Variants in MAP2K5 observed in about 807,000 individuals in gnomAD.
MAP2K5 encodes the protein mitogen-activated protein kinase kinase 5, also known as dual specificity mitogen-activated protein kinase kinase 5.
In MAP2K5, 49 loss-of-function variants were observed where a neutral mutation model predicts 83.1. That is an observed-to-expected ratio of 0.59 (90% CI 0.47 to 0.75). MAP2K5 has a LOEUF of 0.75. MAP2K5 is among the 30% of genes least tolerant of loss of function. The probability of loss-of-function intolerance (pLI) is 0.00; values close to 1 mark genes in which losing one functional copy is unlikely to be tolerated. For missense variants in MAP2K5, 457 were observed against 557.5 expected (o/e 0.82, Z 1.82); for synonymous variants, 202 against 191.8 (o/e 1.05, Z -0.44).
At chr15:67,570,797 T>C (rs1040823456) in intron 3 of MAP2K5, among the ~76,000 whole-genome samples, 1 of 152,240 alleles carries the variant, frequency 6.6e-6, no homozygotes, top group African/African-American at 2.4e-5. Context: ...TTGCTGTAAT[T>C]ACTGACTGAG....
At chr15:67,560,980 A>G (rs1245625513) in intron 2 of MAP2K5, among the ~76,000 whole-genome samples, 2 of 152,114 alleles carry the variant, frequency 1.3e-5, no homozygotes, top group East Asian at 1.9e-4. Context: ...TGCCCATCCT[A>G]TGTGAACAAT....
Position 67,748,426 on chromosome 15 carries a change from T to C in MAP2K5, c.1102-143T>C. The C allele has an allele frequency of 1.2e-6, 1 of 828,182 alleles. No individual in the cohort carries two copies. The highest frequency in any genetic ancestry group is 2.0e-6 in the Non-Finnish European group (1 of 511,834). 51.3% of individuals were successfully genotyped at this position (828,182 alleles called of 1,614,324 possible). ...TACCATTAGAAATAATAGAACCTCC[T>C]GAGCATCAATGTTTTTATAAGAGTT... On this transcript the variant is annotated intron_variant, in intron 18 of 21. Transcript: ENST00000178640. The surrounding 1 kb of genome is among the most constrained non-coding windows in gnomAD (Gnocchi z 4.0).
At chr15:67,670,435 G>A (rs1286872210) in intron 13 of MAP2K5, 1 of 455,782 alleles carries the variant, frequency 2.2e-6, no homozygotes, top group Admixed American at 2.4e-5. Context: ...AAAGACCTGT[G>A]CACCTGAAAA....
rs894865028 is a variant in MAP2K5, at chr15:67,561,326, G to T, written c.185-1957G>T. 1.3e-5 allele frequency among the ~76,000 whole-genome samples: 2 copies of T among 152,040 alleles called. No homozygotes were observed. Among genetic ancestry groups the T allele is most frequent in the African/African-American group, 4.8e-5 (2 of 41,382 alleles). The stretch of plus-strand genomic sequence containing the variant: ...TTAACCTTGAAAATATTAGTTTCTA[G>T]AACTTATATATAGACAGACTCCTTT... On this transcript the variant is annotated intron_variant, in intron 2 of 21. Coordinates refer to ENST00000178640, the MANE Select transcript of MAP2K5 (RefSeq NM_145160.3). This position sits in a 1 kb window ranked among gnomAD's most constrained non-coding sequence, Gnocchi z 4.2.
chr15:67,616,196 A>C (rs1458533784), intron 8 of MAP2K5, among the ~76,000 whole-genome samples: 2 of 152,164 alleles, frequency 1.3e-5, no homozygotes, highest in East Asian at 3.8e-4. Flanking sequence ...CAGAGCAAAG[A>C]AGCATCATCT....
intron 9 of MAP2K5, among the ~76,000 whole-genome samples, 174 bp downstream of exon 9, chr15:67,631,101 A>G (rs1163833777): frequency 6.6e-6 from 1 of 152,154 alleles, no homozygotes; most frequent in African/African-American, 2.4e-5. Flanking sequence ...TCTTTTAAGT[A>G]TGCCTTAAAA....
intron 16 of MAP2K5, among the ~76,000 whole-genome samples, chr15:67,723,082 A>T (rs1172025620): frequency 6.6e-6 from 1 of 152,176 alleles, no homozygotes; most frequent in Non-Finnish European, 1.5e-5. Flanking sequence ...ACATGTCTTG[A>T]ATTTGTGTCC....
At chr15:67,696,591 A>G (rs565251283) in intron 15 of MAP2K5, among the ~76,000 whole-genome samples, 2 of 152,336 alleles carry the variant, frequency 1.3e-5, no homozygotes, top group Admixed American at 6.5e-5. Flanking sequence ...TATAATGTAG[A>G]TAAGACTTGG....
Position 67,631,286 on chromosome 15 carries a change from C to T in MAP2K5, c.585+359C>T, listed in dbSNP as rs113647681. On this transcript the variant is annotated intron_variant, in intron 9 of 21. Coordinates refer to ENST00000178640, the MANE Select transcript of MAP2K5 (RefSeq NM_145160.3). ...GCCACATCCTGTGAATTGCTGTATC[C>T]CGTTAGAATTTTTCCCTGAAATATA... Among the ~76,000 whole-genome samples, 69 of 152,240 alleles carry T rather than the reference C, an allele frequency of 4.5e-4. 1 individual carries two copies. The South Asian group carries it at 8.9e-3, about 20-fold the overall frequency.
rs572153780 is a variant in MAP2K5 at position 67,647,698 on chromosome 15, C to T, written c.736+1229C>T. ...CAGCCTAACCAACATGGCGAAAACC[C>T]GTCTCTATAGAAAATACAAAAATTA... On this transcript the variant is annotated intron_variant, in intron 11 of 21. Transcript: ENST00000178640. 3.3e-5 allele frequency among the ~76,000 whole-genome samples: 5 copies of T among 152,044 alleles called. No individual in the cohort carries two copies. In the South Asian group the frequency reaches 1.0e-3, roughly 32 times the overall value.
chr15:67,578,096 C>T (rs551697933), intron 3 of MAP2K5, among the ~76,000 whole-genome samples: 3 of 152,280 alleles, frequency 2.0e-5, no homozygotes, highest in East Asian at 3.9e-4. Context: ...GGGTAGAGCC[C>T]GTCTTGATTT....
chr15:67,580,884 T>C, intron 4 of MAP2K5, 61 bp downstream of exon 4: 1 of 1,133,970 alleles, frequency 8.8e-7, no homozygotes, highest in Non-Finnish European at 1.3e-6. Context: ...CATCAACAGT[T>C]ATGTTTCCAA....
chr15:67,644,706 C>G lies in MAP2K5; in HGVS notation c.586-1525C>G, dbSNP rs1054253818. Among the ~76,000 whole-genome samples, 2 of 151,906 alleles carry G rather than the reference C, an allele frequency of 1.3e-5. No homozygotes were observed. Among genetic ancestry groups the G allele is most frequent in the South Asian group, 4.2e-4 (2 of 4,814 alleles). On this transcript the variant is annotated intron_variant, in intron 9 of 21. Coordinates refer to ENST00000178640, the MANE Select transcript of MAP2K5 (RefSeq NM_145160.3). The surrounding 1 kb of genome is among the most constrained non-coding windows in gnomAD (Gnocchi z 4.6). ...GGAGGGAAACGTGGTTTCCTCCTCACTCAAAAGAAGGGAGTTAATGAAATA... is the reference window on the plus strand; with the variant it reads ...GGAGGGAAACGTGGTTTCCTCCTCAGTCAAAAGAAGGGAGTTAATGAAATA...
At chr15:67,776,386 A>C (rs1410753042) in intron 21 of MAP2K5, among the ~76,000 whole-genome samples, 2 of 152,200 alleles carry the variant, frequency 1.3e-5, no homozygotes, top group Admixed American at 1.3e-4. Flanking sequence ...AGAGACCCTG[A>C]GGAGGTAGCA....
chr15:67,656,034 T>C (rs1488344410), intron 11 of MAP2K5, among the ~76,000 whole-genome samples: 1 of 152,212 alleles, frequency 6.6e-6, no homozygotes, highest in Admixed American at 6.5e-5. Flanking sequence ...TCAGTTATTA[T>C]ACTTTTCAAC....
chr15:67,679,819 A>G (rs2087770967), intron 13 of MAP2K5: 3 of 152,208 alleles, frequency 2.0e-5, no homozygotes, highest in Admixed American at 2.0e-4. Context: ...ATTTTTTAAA[A>G]CAGCTTTATT....
Position 67,664,017 on chromosome 15 carries a change from A to G in MAP2K5, c.799-580A>G, listed in dbSNP as rs543702795. ...CTTAGCATCATTATGAATTCAGCAT[A>G]GGTACTTCCAGATTATTTTATATAC... On this transcript the variant is annotated intron_variant, in intron 12 of 21. Coordinates refer to ENST00000178640, the MANE Select transcript of MAP2K5 (RefSeq NM_145160.3). 4.6e-5 allele frequency among the ~76,000 whole-genome samples: 7 copies of G among 152,282 alleles called. No homozygotes were observed. The South Asian group carries it at 1.2e-3, about 27-fold the overall frequency.
chr15:67,792,209 A>G (rs2090529973), intron 21 of MAP2K5, among the ~76,000 whole-genome samples: 1 of 152,094 alleles, frequency 6.6e-6, no homozygotes, highest in African/African-American at 2.4e-5. Context: ...CGTTGCTAAG[A>G]CCCTCCTGCA....
intron 8 of MAP2K5, among the ~76,000 whole-genome samples, chr15:67,607,703 A>C (rs185581221): frequency 3.5e-4 from 54 of 152,246 alleles, no homozygotes; most frequent in African/African-American, 1.2e-3. Context: ...AAAGACACTA[A>C]ATTTCATTTT....
Sources: gnomAD v4.1 joint callset for allele counts (sites outside exome capture counted in the v4.1 genomes callset) on GRCh38, gnomAD v4.1.1 for gene constraint, Gnocchi (gnomAD v3.1) non-coding constraint, MANE v1.5 for transcripts, NCBI Gene and HGNC (gene_info 2026-07-23, HGNC 2026-07-21) for gene names.